Variants in ANO3 observed in about 807,000 individuals in gnomAD.
ANO3 encodes the protein anoctamin-3.
Under a neutral mutation model 144.8 loss-of-function variants are expected in ANO3, and 99 were observed. The ratio of observed to expected loss-of-function variants is 0.68; its 90% CI spans 0.58 to 0.81. The LOEUF is 0.81. Among genes scored for constraint, ANO3 ranks in the 30% least tolerant of loss-of-function variants. The pLI is 0.00. For synonymous variants in ANO3, 414 were observed against 392.6 expected, an observed-to-expected ratio of 1.05 and a Z score of -0.64; for missense variants, 905 against 1,202.2, an observed-to-expected ratio of 0.75 and a Z score of 3.66.
At chr11:26,320,514 A>G (rs574341833) in intron 1 of ANO3, among the ~76,000 whole-genome samples, 1 of 152,284 alleles carries the variant, frequency 6.6e-6, no homozygotes, top group East Asian at 1.9e-4. Context: ...AGTAATCTAG[A>G]TCTTCGTTTA....
chr11:26,350,174 T>C (rs1396018765), intron 1 of ANO3, among the ~76,000 whole-genome samples: 3 of 152,140 alleles, frequency 2.0e-5, no homozygotes, highest in Non-Finnish European at 2.9e-5. Context: ...AGGAACTCAA[T>C]TTCCGAATTT....
intron 4 of ANO3, among the ~76,000 whole-genome samples, chr11:26,471,184 C>G (rs1859769252): frequency 6.6e-6 from 1 of 151,850 alleles, no homozygotes; most frequent in South Asian, 2.1e-4. Context: ...TAGGTGGAAC[C>G]AGAGCTGCAC....
chr11:26,591,102 AG>A (rs1299482847), intron 14 of ANO3, among the ~76,000 whole-genome samples: 22 of 152,152 alleles, frequency 1.4e-4, no homozygotes, highest in African/African-American at 5.3e-4. Flanking sequence ...GTTGGGTGTG[AG>A]GTGAGTTACA....
chr11:26,404,598 C>T (rs900502377), intron 1 of ANO3, among the ~76,000 whole-genome samples: 15 of 151,734 alleles, frequency 9.9e-5, no homozygotes, highest in African/African-American at 3.6e-4. Flanking sequence ...TAGCAGTAAT[C>T]ACAGGAGCAG....
intron 3 of ANO3, 77 bp from the exon 4 acceptor site, chr11:26,462,953 G>A: frequency 9.3e-6 from 6 of 642,826 alleles, no homozygotes; most frequent in Non-Finnish European, 1.5e-5. Context: ...AAACATGAAA[G>A]AGGAGAGATT....
At chr11:26,481,509 A>G (rs1420399072) in intron 4 of ANO3, among the ~76,000 whole-genome samples, 2 of 152,208 alleles carry the variant, frequency 1.3e-5, no homozygotes, top group African/African-American at 2.4e-5. Context: ...CATATATGCT[A>G]TATGTTTATA....
At chr11:26,478,291 T>C (rs1355133) in intron 4 of ANO3, among the ~76,000 whole-genome samples, 13,016 of 152,206 alleles carry the variant, frequency 0.086, 748 homozygotes, top group Admixed American at 0.15. Flanking sequence ...TGATCACATG[T>C]CTATTCTTTG....
Position 26,443,785 on chromosome 11 carries a change from A to AC in ANO3, c.262_263insC (p.Asn88ThrfsTer11). 5 of 760,694 alleles carry AC rather than the reference A, an allele frequency of 6.6e-6. No individual in the cohort carries two copies. Among genetic ancestry groups the AC allele is most frequent in the Non-Finnish European group, 6.4e-6 (3 of 465,730 alleles). The allele number at this position is 760,694 out of a possible 1,614,324, so 47.1% of individuals were successfully genotyped here. ...TTCAGTTAATACTGAGGAGAATAAA[A>AC]ACGACTCTGTGCTGAGATGTTCATT... is the stretch of plus-strand genomic sequence containing the variant. On this transcript the variant is annotated frameshift_variant, in exon 3 of 27. Transcript: ENST00000256737. LOFTEE classifies it high-confidence loss of function.
At chr11:26,500,229 CT>C (rs915060719) in intron 4 of ANO3, among the ~76,000 whole-genome samples, 6 of 151,664 alleles carry the variant, frequency 4.0e-5, no homozygotes, top group African/African-American at 9.7e-5. Context: ...TGATTTTCTT[CT>C]TTTTTTTACT....
At chr11:26,231,706 T>C (rs1365084801) in intron 1 of ANO3, among the ~76,000 whole-genome samples, 1 of 152,146 alleles carries the variant, frequency 6.6e-6, no homozygotes. Context: ...TCAAACTGAA[T>C]AAAATGGGAA....
At chr11:26,282,884 C>A (rs1853711100) in intron 1 of ANO3, among the ~76,000 whole-genome samples, 1 of 152,092 alleles carries the variant, frequency 6.6e-6, no homozygotes, top group Middle Eastern at 3.2e-3. Context: ...CCACAAACAT[C>A]ATTCACAAAA....
chr11:26,494,365 A>G (rs1328176470), intron 4 of ANO3, among the ~76,000 whole-genome samples: 1 of 152,042 alleles, frequency 6.6e-6, no homozygotes, highest in African/African-American at 2.4e-5. Context: ...TACATATGTC[A>G]CCATCTTCAC....
At chr11:26,260,104 A>G (rs1853151983) in intron 1 of ANO3, among the ~76,000 whole-genome samples, 1 of 148,442 alleles carries the variant, frequency 6.7e-6, no homozygotes, top group South Asian at 2.1e-4. Context: ...ACACTCCCTG[A>G]GTCTGAAACA....
At chr11:26,220,334 G>A (rs1852117484) in intron 1 of ANO3, among the ~76,000 whole-genome samples, 1 of 152,212 alleles carries the variant, frequency 6.6e-6, no homozygotes, top group Non-Finnish European at 1.5e-5. Flanking sequence ...GCCTGGGGCA[G>A]CAAGCTAGCC....
rs189335700 is a variant in ANO3, at chr11:26,387,176, G to A, written c.47-54742G>A. Among the ~76,000 whole-genome samples the A allele has an allele frequency of 6.4e-3, 814 of 127,728 alleles. 5 individuals are homozygous for A. Among genetic ancestry groups the A allele is most frequent in the African/African-American group, 0.022 (786 of 35,626 alleles). 83.8% of individuals were successfully genotyped at this position (127,728 alleles called of 152,430 possible). Reference sequence around the variant, plus strand: ...TTTAGTAGAGACAGGGTTTCACCATGTTGGCCAGGCTGGTCTGGAACACCT... The same window carrying A: ...TTTAGTAGAGACAGGGTTTCACCATATTGGCCAGGCTGGTCTGGAACACCT... On this transcript the variant is annotated intron_variant, in intron 1 of 26. Transcript: ENST00000256737.
chr11:26,382,559 A>G (rs1856618250), intron 1 of ANO3, among the ~76,000 whole-genome samples: 1 of 152,158 alleles, frequency 6.6e-6, no homozygotes, highest in South Asian at 2.1e-4. Flanking sequence ...GGTACCTAAG[A>G]AGCATCAGTC....
At chr11:26,198,054 C>G (rs990132147) in intron 1 of ANO3, among the ~76,000 whole-genome samples, 12 of 152,042 alleles carry the variant, frequency 7.9e-5, no homozygotes, top group African/African-American at 2.9e-4. Context: ...GGACCTCCTC[C>G]CATCACCCAG....
chr11:26,470,580 C>T (rs1859744863), intron 4 of ANO3, among the ~76,000 whole-genome samples: 1 of 151,814 alleles, frequency 6.6e-6, no homozygotes, highest in African/African-American at 2.4e-5. Context: ...CAAGGCAGTA[C>T]TATGTTGAAA....
At chr11:26,396,954 G>A (rs1857030180) in intron 1 of ANO3, among the ~76,000 whole-genome samples, 1 of 140,468 alleles carries the variant, frequency 7.1e-6, no homozygotes, top group Admixed American at 7.7e-5. Flanking sequence ...ATAAAAAAAT[G>A]CTTCAGATAA....
Sources: gnomAD v4.1 joint callset for allele counts (sites outside exome capture counted in the v4.1 genomes callset) on GRCh38, gnomAD v4.1.1 for gene constraint, MANE v1.5 for transcripts, NCBI Gene and HGNC (gene_info 2026-07-23, HGNC 2026-07-21) for gene names.